Variants in DENND6A observed in about 807,000 individuals in gnomAD.
The protein encoded by DENND6A is protein DENND6A.
Under a neutral mutation model 95.5 loss-of-function variants are expected in DENND6A, and 43 were observed. The observed-to-expected ratio is 0.45, with a 90% CI of 0.35 to 0.58. The LOEUF (loss-of-function observed/expected upper bound fraction) is 0.58. DENND6A is among the 20% of genes least tolerant of loss of function. The probability of loss-of-function intolerance (pLI) is 0.00; values close to 1 mark genes in which losing one functional copy is unlikely to be tolerated. For missense variants in DENND6A, 574 were observed against 736.0 expected (o/e 0.78, Z 2.55); for synonymous variants, 257 against 260.4 (o/e 0.99, Z 0.13).
chr3:57,686,801 A>G (rs927092666), intron 1 of DENND6A, among the ~76,000 whole-genome samples: 1 of 152,172 alleles, frequency 6.6e-6, no homozygotes, highest in Non-Finnish European at 1.5e-5. Context: ...AGGCCTCCCT[A>G]TTCCGTAAGA....
At chr3:57,673,226 A>AAG (rs1266703123) in intron 1 of DENND6A, among the ~76,000 whole-genome samples, 2 of 150,598 alleles carry the variant, frequency 1.3e-5, no homozygotes, top group Non-Finnish European at 3.0e-5. Context: ...AAAAAAAAAA[A>AAG]AAAAAAGAAA....
intron 1 of DENND6A, 137 bp from the exon 2 acceptor site, chr3:57,672,575 G>C (rs764592157): frequency 1.9e-4 from 161 of 856,154 alleles, no homozygotes; most frequent in South Asian, 5.2e-4. Context: ...TTGAGGTCAG[G>C]TGTTTAAGAC....
chr3:57,627,858 G>A lies in DENND6A; in HGVS notation c.*356C>T. The A allele has an allele frequency of 5.6e-6, 1 of 177,096 alleles. No individual in the cohort carries two copies. Among genetic ancestry groups the A allele is most frequent in the Admixed American group, 5.5e-5 (1 of 18,020 alleles). The allele number at this position is 177,096 out of a possible 1,614,324, so 11.0% of individuals were successfully genotyped here. A position where few individuals can be genotyped will look rare whatever the true frequency, so the allele number is the denominator to read the frequency against. On this transcript the variant is annotated 3_prime_UTR_variant, in exon 20 of 20. Coordinates refer to ENST00000311128, the MANE Select transcript of DENND6A (RefSeq NM_152678.3). ...TTTATATCCCCCTGAGTTTTAACAT[G>A]ATTGGGCAAAGCAGCACCAATTTAA...
At chr3:57,667,292 T>A (rs2071539323) in intron 3 of DENND6A, among the ~76,000 whole-genome samples, 1 of 152,030 alleles carries the variant, frequency 6.6e-6, no homozygotes, top group Admixed American at 6.6e-5. Flanking sequence ...AGTGCTAGGA[T>A]TACAGGCGTA....
chr3:57,630,861 G>C, intron 16 of DENND6A, 37 bp from the exon 17 acceptor site: 1 of 1,610,584 alleles, frequency 6.2e-7, no homozygotes, highest in African/African-American at 1.3e-5. Flanking sequence ...GAAATTAGGA[G>C]TGGATATGTT....
intron 1 of DENND6A, among the ~76,000 whole-genome samples, chr3:57,680,088 CAAAAT>C (rs915236176): frequency 1.3e-5 from 2 of 152,038 alleles, no homozygotes; most frequent in Non-Finnish European, 2.9e-5. Context: ...TACCTAATCT[CAAAAT>C]AAAGTTTAAA....
intron 1 of DENND6A, among the ~76,000 whole-genome samples, chr3:57,680,754 A>C (rs2077156938): frequency 1.3e-5 from 2 of 150,626 alleles, no homozygotes; most frequent in African/African-American, 4.9e-5. Flanking sequence ...ATGTTAATAG[A>C]TACTTCTCCA....
At chr3:57,649,715 G>A (rs1033606756) in intron 9 of DENND6A, among the ~76,000 whole-genome samples, 22 of 150,802 alleles carry the variant, frequency 1.5e-4, no homozygotes, top group African/African-American at 4.4e-4. Flanking sequence ...CATCTCCCCT[G>A]GGCCCTGACA....
chr3:57,660,958 TGA>T, intron 6 of DENND6A, 119 bp from the exon 7 acceptor site: 3 of 868,568 alleles, frequency 3.5e-6, no homozygotes, highest in Non-Finnish European at 5.0e-6. Context: ...CCTGGAAGAA[TGA>T]GAGATAAAAG....
intron 6 of DENND6A, 120 bp from the exon 7 acceptor site, chr3:57,660,959 G>A: frequency 1.2e-6 from 1 of 863,790 alleles, no homozygotes; most frequent in Non-Finnish European, 1.7e-6. Context: ...CTGGAAGAAT[G>A]AGAGATAAAA....
intron 12 of DENND6A, among the ~76,000 whole-genome samples, chr3:57,640,296 A>C (rs2070899625): frequency 6.6e-6 from 1 of 150,544 alleles, no homozygotes; most frequent in Non-Finnish European, 1.5e-5. Flanking sequence ...AAAAACAAAA[A>C]ACAAAAAAGG....
intron 9 of DENND6A, among the ~76,000 whole-genome samples, chr3:57,656,732 G>C: frequency 6.6e-6 from 1 of 152,112 alleles, no homozygotes; most frequent in East Asian, 1.9e-4. Context: ...CAAGGCAGGT[G>C]GATCACTTGA....
intron 1 of DENND6A, among the ~76,000 whole-genome samples, chr3:57,685,215 G>A (rs2077201572): frequency 6.6e-6 from 1 of 151,636 alleles, no homozygotes; most frequent in Non-Finnish European, 1.5e-5. Context: ...GAGCCACCAC[G>A]TCCAGCCTAG....
intron 8 of DENND6A, 97 bp from the exon 9 acceptor site, chr3:57,657,832 T>A: frequency 1.4e-6 from 1 of 697,926 alleles, no homozygotes. Context: ...CATGCTGCCC[T>A]GTCTAACTTT....
At position 57,628,799 on chromosome 3, in the gene DENND6A, T is replaced by G; in HGVS notation, c.1695+12A>C. ...AAAGTCAATTTAATCTTTGGCTGTTTTGGCTACATACCAGCTTATTTTTCA... is the reference window on the plus strand; with the variant it reads ...AAAGTCAATTTAATCTTTGGCTGTTGTGGCTACATACCAGCTTATTTTTCA... On this transcript the variant is annotated intron_variant, in intron 19 of 19. Coordinates refer to ENST00000311128, the MANE Select transcript of DENND6A (RefSeq NM_152678.3). 6.2e-7 allele frequency: 1 copy of G among 1,607,462 alleles called. No homozygotes were observed. The highest frequency in any genetic ancestry group is 1.1e-5 in the South Asian group (1 of 89,606).
chr3:57,631,366 T>C (rs1412570841), intron 15 of DENND6A, among the ~76,000 whole-genome samples: 1 of 151,890 alleles, frequency 6.6e-6, no homozygotes, highest in Non-Finnish European at 1.5e-5. Context: ...CTGGCTAATT[T>C]TGTATTTTTA....
chr3:57,640,450 G>A (rs182314040), intron 12 of DENND6A, among the ~76,000 whole-genome samples: 5 of 150,040 alleles, frequency 3.3e-5, no homozygotes, highest in Admixed American at 1.3e-4. Context: ...AAAATTAGCC[G>A]GGCAAGGAGG....
At chr3:57,666,765 A>G (rs187881613) in intron 3 of DENND6A, among the ~76,000 whole-genome samples, 4 of 152,354 alleles carry the variant, frequency 2.6e-5, no homozygotes, top group Non-Finnish European at 5.9e-5. Context: ...ATCAAGGAGT[A>G]CTATTAGATA....
chr3:57,669,307 A>G (rs1477178333), intron 3 of DENND6A, among the ~76,000 whole-genome samples: 1 of 152,194 alleles, frequency 6.6e-6, no homozygotes, highest in Non-Finnish European at 1.5e-5. Flanking sequence ...AAGACAGCAA[A>G]GTGCCTGCTT....
Sources: allele counts gnomAD v4.1 joint callset (sites outside exome capture counted in the v4.1 genomes callset), GRCh38; gene constraint gnomAD v4.1.1; transcripts MANE v1.5; gene names NCBI Gene and HGNC (gene_info 2026-07-23, HGNC 2026-07-21).